The following NUP50 variants were observed in gnomAD, a reference collection of about 807,000 sequenced individuals.
The protein encoded by NUP50 is nucleoporin 50, also known as nuclear pore complex protein Nup50.
Under a neutral mutation model 36.8 loss-of-function variants are expected in NUP50, and 14 were observed. That is an observed-to-expected ratio of 0.38 (90% CI 0.25 to 0.59). The LOEUF (loss-of-function observed/expected upper bound fraction) is 0.59, where lower values mean the gene tolerates loss of function less well. Ranked by LOEUF, NUP50 falls within the 20% of genes least tolerant of loss-of-function variation. The pLI, the probability that NUP50 is intolerant of heterozygous loss-of-function variation, is 0.63. For missense variants in NUP50, 455 were observed against 564.6 expected, an observed-to-expected ratio of 0.81 and a Z score of 1.97; for synonymous variants, 195 against 210.8, an observed-to-expected ratio of 0.93 and a Z score of 0.65.
chr22:45,170,786 T>C (rs958003653), intron 2 of NUP50, among the ~76,000 whole-genome samples: 1 of 152,202 alleles, frequency 6.6e-6, no homozygotes, highest in Non-Finnish European at 1.5e-5. Context: ...CATTAAAATA[T>C]TCAGGAATGA....
In NUP50 at chr22:45,184,651, C is replaced by T; in HGVS notation, c.1403C>T (p.Ala468Val). ...LHKILLEKKD[A>V] The stretch of plus-strand genomic sequence containing the variant: ...AAAATTTTACTGGAGAAAAAGGATG[C>T]CTGAACACGCAAAGTCGGCTGCAGA... The change falls in exon 8 of 8, where the codon GCC becomes GTC. Residue 468 changes from alanine to valine, a missense_variant. Around this residue, in one of 3 missense-constraint regions of NUP50, gnomAD observed 287 missense variants for 345.5 expected, o/e 0.83. Transcript: ENST00000347635. 6.2e-7 allele frequency: 1 copy of T among 1,611,138 alleles called. No homozygotes were observed. Among genetic ancestry groups the T allele is most frequent in the South Asian group, 1.1e-5 (1 of 90,980 alleles).
intron 2 of NUP50, chr22:45,171,152 G>T (rs1209970433): frequency 1.7e-6 from 2 of 1,201,640 alleles, no homozygotes; most frequent in African/African-American, 1.6e-5. Flanking sequence ...GGGCAAGTTG[G>T]GCAGGACTCA....
intron 1 of NUP50, among the ~76,000 whole-genome samples, chr22:45,167,486 C>G (rs1001616423): frequency 6.6e-6 from 1 of 152,158 alleles, no homozygotes; most frequent in Non-Finnish European, 1.5e-5. Context: ...TCCACTAATG[C>G]CATCGTATTG....
At chr22:45,169,044 G>C (rs2074142400) in intron 2 of NUP50, among the ~76,000 whole-genome samples, 1 of 151,736 alleles carries the variant, frequency 6.6e-6, no homozygotes, top group Non-Finnish European at 1.5e-5. Context: ...TGGGATTACA[G>C]GTGTACACCA....
At chr22:45,174,772 T>C (rs895101133) in intron 3 of NUP50, among the ~76,000 whole-genome samples, 30 of 152,226 alleles carry the variant, frequency 2.0e-4, no homozygotes, top group African/African-American at 6.8e-4. Context: ...CTAAGCTCTG[T>C]TTATTATGTG....
chr22:45,179,231 C>T, intron 5 of NUP50: 1 of 226,648 alleles, frequency 4.4e-6, no homozygotes, highest in South Asian at 9.1e-5. Context: ...TGGAAAAGTT[C>T]ATCAAGTTCA....
intron 4 of NUP50, 85 bp downstream of exon 4, chr22:45,176,165 C>A: frequency 7.0e-7 from 1 of 1,428,968 alleles, no homozygotes; most frequent in Non-Finnish European, 9.5e-7. Flanking sequence ...TATAGCTACC[C>A]TGTGTCTTGG....
intron 1 of NUP50, among the ~76,000 whole-genome samples, chr22:45,165,259 T>A (rs1207788769): frequency 6.6e-6 from 1 of 152,238 alleles, no homozygotes; most frequent in Non-Finnish European, 1.5e-5. Flanking sequence ...GATTGTTTGA[T>A]TGAGACTGGG....
At chr22:45,183,630 C>G in intron 7 of NUP50, 110 bp downstream of exon 7, 1 of 727,786 alleles carries the variant, frequency 1.4e-6, no homozygotes, top group East Asian at 2.5e-5. Context: ...CGCATTCAGG[C>G]CAAATTCATC....
chr22:45,177,072 A>T (rs1325711449), intron 4 of NUP50, among the ~76,000 whole-genome samples: 1 of 152,116 alleles, frequency 6.6e-6, no homozygotes, highest in African/African-American at 2.4e-5. Context: ...GCCATCCCCT[A>T]GTATCCTGGG....
At chr22:45,181,569 C>G (rs1448219967) in intron 6 of NUP50, among the ~76,000 whole-genome samples, 1 of 143,408 alleles carries the variant, frequency 7.0e-6, no homozygotes, top group African/African-American at 2.5e-5. Context: ...GCAGGTCTCA[C>G]TCTTTTCTGT....
chr22:45,172,943 C>T (rs947451480), intron 3 of NUP50, among the ~76,000 whole-genome samples: 7 of 152,316 alleles, frequency 4.6e-5, no homozygotes, highest in African/African-American at 1.7e-4. Flanking sequence ...CGTAATCCTA[C>T]ATGAAATCGA....
chr22:45,177,414 C>T (rs2074293168), intron 4 of NUP50, among the ~76,000 whole-genome samples: 1 of 152,156 alleles, frequency 6.6e-6, no homozygotes, highest in South Asian at 2.1e-4. Flanking sequence ...CTCCTGAGCT[C>T]AAGCGATTTG....
chr22:45,179,692 C>G (rs2074335417), intron 5 of NUP50, among the ~76,000 whole-genome samples: 1 of 152,154 alleles, frequency 6.6e-6, no homozygotes, highest in Non-Finnish European at 1.5e-5. Flanking sequence ...TGAGACCAGC[C>G]TGGGCAACAT....
intron 3 of NUP50, among the ~76,000 whole-genome samples, chr22:45,173,338 G>GCTTTT (rs1215080325): frequency 7.4e-6 from 1 of 134,952 alleles, no homozygotes; most frequent in African/African-American, 2.8e-5. Flanking sequence ...AACTTCAGGT[G>GCTTTT]TTTTTTTTTT....
At chr22:45,183,590 T>C in intron 7 of NUP50, 70 bp downstream of exon 7, 2 of 958,432 alleles carry the variant, frequency 2.1e-6, no homozygotes, top group Non-Finnish European at 3.4e-6. Context: ...CCCTGCTGAC[T>C]CAAGGTTATT....
chr22:45,178,432 C>A lies in NUP50; in HGVS notation c.535C>A (p.Pro179Thr), dbSNP rs763689432. Residue 179 changes from proline to threonine, a missense_variant, in exon 5 of 8, where the codon CCC (proline) becomes ACC (threonine). Pro to Thr is a conservative substitution (Grantham distance 38). Transcript: ENST00000347635. ...DWIVKHVNTN[P>T]LCDLTPIFKD... ...GATAGTGAAGCACGTGAATACAAAC[C>A]CCCTCTGTGATCTGACACCTATCTT... 5.0e-6 allele frequency: 8 copies of A among 1,613,622 alleles called. No individual in the cohort carries two copies. Among genetic ancestry groups the A allele is most frequent in the Non-Finnish European group, 6.8e-6 (8 of 1,179,702 alleles).
chr22:45,175,832 CACTT>C (rs1457684973), intron 3 of NUP50, 58 bp from the exon 4 acceptor site: 11 of 1,545,464 alleles, frequency 7.1e-6, no homozygotes, highest in Non-Finnish European at 9.8e-6. Context: ...TGTTGTCACT[CACTT>C]GCTTTTTGGT....
At chr22:45,172,608 A>C (rs965765922) in intron 3 of NUP50, among the ~76,000 whole-genome samples, 1 of 135,254 alleles carries the variant, frequency 7.4e-6, no homozygotes, top group Non-Finnish European at 1.5e-5. Flanking sequence ...TTTTATTTCC[A>C]AAAAAAAAGG....
Sources: gnomAD v4.1 joint callset for allele counts (sites outside exome capture counted in the v4.1 genomes callset) on GRCh38, gnomAD v4.1.1 for gene constraint, gnomAD v4.1.1 regional missense constraint, MANE v1.5 for transcripts, NCBI Gene and HGNC (gene_info 2026-07-23, HGNC 2026-07-21) for gene names.